Variants in NBEA observed in about 807,000 individuals in gnomAD.
The protein encoded by NBEA is neurobeachin.
In NBEA, 44 loss-of-function variants were observed where a neutral mutation model predicts 343.4. The ratio of observed to expected loss-of-function variants is 0.13; its 90% CI spans 0.10 to 0.16. The LOEUF (loss-of-function observed/expected upper bound fraction) is 0.16. Among genes scored for constraint, NBEA ranks in the 10% least tolerant of loss-of-function variants. The pLI is 1.00. For synonymous variants in NBEA, 1,175 were observed against 1,238.7 expected (o/e 0.95, Z 1.08); for missense variants, 2,555 against 3,631.3 (o/e 0.70, Z 7.62).
At chr13:35,280,656 A>G (rs1464291390) in intron 34 of NBEA, among the ~76,000 whole-genome samples, 1 of 152,254 alleles carries the variant, frequency 6.6e-6, no homozygotes, top group South Asian at 2.1e-4. Flanking sequence ...TCTCCAGCAG[A>G]TGGAACATAA....
chr13:34,990,347 C>G (rs1185943572), intron 1 of NBEA, among the ~76,000 whole-genome samples: 3 of 151,178 alleles, frequency 2.0e-5, no homozygotes, highest in African/African-American at 7.3e-5. Flanking sequence ...TTTCTATTCT[C>G]TGATAGCTAT....
chr13:35,514,505 C>T (rs956848278), intron 41 of NBEA, among the ~76,000 whole-genome samples: 1 of 152,068 alleles, frequency 6.6e-6, no homozygotes, highest in African/African-American at 2.4e-5. Context: ...AAAAACTGCT[C>T]ATTTGTAGTG....
chr13:35,589,416 T>G (rs1320227295), intron 46 of NBEA, among the ~76,000 whole-genome samples: 1 of 152,128 alleles, frequency 6.6e-6, no homozygotes, highest in Non-Finnish European at 1.5e-5. Context: ...TTTGTAGCTG[T>G]TATTTCCCTT....
At chr13:35,606,353 G>A in intron 47 of NBEA, 73 bp from the exon 48 acceptor site, 2 of 794,376 alleles carry the variant, frequency 2.5e-6, no homozygotes, top group Non-Finnish European at 3.5e-6. Context: ...TAGTTAATAA[G>A]TTATAAGTTA....
intron 10 of NBEA, among the ~76,000 whole-genome samples, chr13:35,086,292 G>C (rs947935099): frequency 6.6e-6 from 1 of 151,526 alleles, no homozygotes; most frequent in Non-Finnish European, 1.5e-5. Flanking sequence ...AGCCGTTTTG[G>C]TAACATTTTA....
chr13:35,187,493 A>C (rs920386088), intron 30 of NBEA, among the ~76,000 whole-genome samples: 3 of 150,028 alleles, frequency 2.0e-5, no homozygotes, highest in African/African-American at 7.3e-5. Flanking sequence ...TTTATAATAT[A>C]TAATAACTAT....
At chr13:35,451,213 TC>T (rs2046295226) in intron 39 of NBEA, among the ~76,000 whole-genome samples, 1 of 152,284 alleles carries the variant, frequency 6.6e-6, no homozygotes, top group Non-Finnish European at 1.5e-5. Context: ...AAGCTCCGCC[TC>T]CCGGGTTCAC....
At chr13:35,001,913 CTT>C (rs2061154920) in intron 1 of NBEA, among the ~76,000 whole-genome samples, 4 of 152,206 alleles carry the variant, frequency 2.6e-5, no homozygotes, top group African/African-American at 9.6e-5. Context: ...AAATATCACT[CTT>C]TACCCCATGT....
intron 1 of NBEA, among the ~76,000 whole-genome samples, chr13:35,032,453 T>A (rs2152550559): frequency 6.6e-6 from 1 of 152,104 alleles, no homozygotes; most frequent in Middle Eastern, 3.4e-3. Context: ...TGTCTTCTTT[T>A]GAAAAGTGTC....
At chr13:35,096,298 T>A (rs1375758693) in intron 10 of NBEA, among the ~76,000 whole-genome samples, 1 of 151,642 alleles carries the variant, frequency 6.6e-6, no homozygotes, top group African/African-American at 2.4e-5. Flanking sequence ...ACATTTCAAT[T>A]GGTGTCCTGG....
At chr13:35,088,353 C>A (rs1280131396) in intron 10 of NBEA, among the ~76,000 whole-genome samples, 2 of 151,868 alleles carry the variant, frequency 1.3e-5, no homozygotes. Flanking sequence ...ACTGATAAAT[C>A]TTTTCAGTTT....
intron 34 of NBEA, among the ~76,000 whole-genome samples, chr13:35,276,330 C>T (rs890113398): frequency 6.6e-6 from 1 of 151,884 alleles, no homozygotes; most frequent in African/African-American, 2.4e-5. Flanking sequence ...TTAGAATTAC[C>T]CTCAGGCATC....
chr13:35,216,672 A>G (rs2074083839), intron 33 of NBEA, among the ~76,000 whole-genome samples: 1 of 151,916 alleles, frequency 6.6e-6, no homozygotes, highest in African/African-American at 2.4e-5. Context: ...GTGCATTTTG[A>G]CATTTATCTT....
At chr13:35,108,035 T>C (rs931482196) in intron 11 of NBEA, among the ~76,000 whole-genome samples, 4 of 152,142 alleles carry the variant, frequency 2.6e-5, no homozygotes, top group African/African-American at 9.6e-5. Context: ...AAGTCAAATA[T>C]ATTGAGTTAT....
intron 38 of NBEA, among the ~76,000 whole-genome samples, chr13:35,364,289 G>A (rs1303111475): frequency 6.6e-5 from 10 of 151,814 alleles, no homozygotes; most frequent in Non-Finnish European, 1.5e-4. Context: ...AACACATGTA[G>A]AGTATATGCT....
chr13:35,010,355 T>C (rs1263112659), intron 1 of NBEA, among the ~76,000 whole-genome samples: 2 of 151,816 alleles, frequency 1.3e-5, no homozygotes, highest in African/African-American at 4.8e-5. Context: ...GGCAGGAGGA[T>C]CACATGAGGC....
chr13:34,998,087 A>G (rs934054637), intron 1 of NBEA, among the ~76,000 whole-genome samples: 9 of 152,158 alleles, frequency 5.9e-5, no homozygotes, highest in African/African-American at 1.9e-4. Context: ...ATAAAGGGAC[A>G]GAGTACAAAA....
intron 1 of NBEA, among the ~76,000 whole-genome samples, chr13:35,023,150 C>T (rs923655603): frequency 6.6e-6 from 1 of 152,086 alleles, no homozygotes; most frequent in Admixed American, 6.5e-5. Flanking sequence ...TTTTTAATTT[C>T]CTGGAAACCA....
chr13:35,473,060 G>A (rs73169776), intron 41 of NBEA, among the ~76,000 whole-genome samples: 1,671 of 152,278 alleles, frequency 0.011, 12 homozygotes, highest in Non-Finnish European at 0.015. Context: ...CTGATTCTCT[G>A]AGCTTTGATT....
Sources: allele counts gnomAD v4.1 joint callset (sites outside exome capture counted in the v4.1 genomes callset), GRCh38; gene constraint gnomAD v4.1.1; transcripts MANE v1.5; gene names NCBI Gene and HGNC (gene_info 2026-07-23, HGNC 2026-07-21).